GOT1: variants seen among roughly 807,000 people sequenced by gnomAD.
GOT1 encodes aspartate aminotransferase, cytoplasmic.
In GOT1, 25 loss-of-function variants were observed where a neutral mutation model predicts 48.2. The observed-to-expected ratio is 0.52, with a 90% confidence interval of 0.38 to 0.72. GOT1 has a LOEUF of 0.72. GOT1 is among the 30% of genes least tolerant of loss of function. GOT1 has a pLI of 0.00. For synonymous variants in GOT1, 188 were observed against 193.8 expected, an observed-to-expected ratio of 0.97 and a Z score of 0.25; for missense variants, 380 against 520.1, an observed-to-expected ratio of 0.73 and a Z score of 2.62.
At chr10:99,426,544 G>C (rs1249649517) in intron 1 of GOT1, among the ~76,000 whole-genome samples, 1 of 152,132 alleles carries the variant, frequency 6.6e-6, no homozygotes, top group East Asian at 1.9e-4. Flanking sequence ...AGTTTATCTG[G>C]GCCAAAAGAA....
chr10:99,422,517 A>G (rs896837907), intron 1 of GOT1, among the ~76,000 whole-genome samples: 1 of 152,156 alleles, frequency 6.6e-6, no homozygotes, highest in African/African-American at 2.4e-5. Flanking sequence ...GAATTTCAAC[A>G]TGCTTTTTTC....
At chr10:99,417,837 G>C (rs2032915805) in intron 2 of GOT1, among the ~76,000 whole-genome samples, 1 of 152,090 alleles carries the variant, frequency 6.6e-6, no homozygotes, top group South Asian at 2.1e-4. Context: ...TCACTCATAG[G>C]TGGGAATTGA....
At chr10:99,406,301 G>T in intron 3 of GOT1, 52 bp from the exon 4 acceptor site, 2 of 1,285,824 alleles carry the variant, frequency 1.6e-6, no homozygotes, top group South Asian at 1.2e-5. Context: ...TAGGAGGCAT[G>T]AGTGGAAAGG....
intron 1 of GOT1, among the ~76,000 whole-genome samples, chr10:99,429,652 G>T (rs1412412359): frequency 2.0e-5 from 3 of 152,174 alleles, no homozygotes; most frequent in African/African-American, 7.2e-5. Flanking sequence ...AGGGTTAGGG[G>T]TAAAAAATTT....
intron 2 of GOT1, among the ~76,000 whole-genome samples, chr10:99,418,411 T>G (rs948212948): frequency 2.0e-5 from 3 of 151,896 alleles, no homozygotes; most frequent in African/African-American, 7.2e-5. Context: ...ATGGAATCTC[T>G]GTTTTCATTT....
intron 1 of GOT1, among the ~76,000 whole-genome samples, chr10:99,427,426 G>A (rs1174326030): frequency 3.9e-5 from 6 of 152,070 alleles, no homozygotes; most frequent in Admixed American, 3.3e-4. Context: ...CCGCCACCAC[G>A]CCCTGCTAAT....
intron 6 of GOT1, 28 bp from the exon 7 acceptor site, chr10:99,403,662 G>A (rs752552873): frequency 4.6e-5 from 75 of 1,613,762 alleles, no homozygotes; most frequent in Non-Finnish European, 6.1e-5. Context: ...AATCAGCTGT[G>A]GCTGCTGAAG....
rs566938474 is a variant in GOT1, at chr10:99,417,321, A to G, written c.300+3303T>C. On this transcript the variant is annotated intron_variant, in intron 2 of 8. Coordinates refer to ENST00000370508, the MANE Select transcript of GOT1 (RefSeq NM_002079.3). ...AGACATTTATGCAGCCAACAGACACATGAAAAAATGCTCATCATCACTGGC... is the reference window on the plus strand; with the variant it reads ...AGACATTTATGCAGCCAACAGACACGTGAAAAAATGCTCATCATCACTGGC... Among the ~76,000 whole-genome samples the G allele has an allele frequency of 2.0e-3, 306 of 152,372 alleles. 1 individual carries two copies. The highest frequency in any genetic ancestry group is 0.017 in the Middle Eastern group (5 of 294).
chr10:99,417,983 T>C (rs530262623), intron 2 of GOT1, among the ~76,000 whole-genome samples: 2 of 151,764 alleles, frequency 1.3e-5, no homozygotes, highest in African/African-American at 2.4e-5. Context: ...CACACCAACA[T>C]GGCACATGTA....
Position 99,397,671 on chromosome 10 carries a change from T to C in GOT1, c.1118A>G (p.Tyr373Cys), listed in dbSNP as rs763011514. The C allele has an allele frequency of 2.5e-6, 4 of 1,614,116 alleles. No individual in the cohort carries two copies. Among genetic ancestry groups the C allele is most frequent in the South Asian group, 1.1e-5 (1 of 91,076 alleles). ...FTGLNPKQVE[Y>C]LVNEKHIYLL... Reference sequence around the variant, plus strand: ...GTAGATGTGCTTTTCATTGACCAGATACTCAACCTGCTTGGCTGTTGAAAA... The same window carrying C: ...GTAGATGTGCTTTTCATTGACCAGACACTCAACCTGCTTGGCTGTTGAAAA... Residue 373 changes from tyrosine to cysteine, a missense_variant, in exon 9 of 9, where the codon TAT (tyrosine) becomes TGT (cysteine). Tyr to Cys is a radical substitution (Grantham distance 194, BLOSUM62 -2). Transcript: ENST00000370508. The surrounding 1 kb of genome is among the most constrained non-coding windows in gnomAD (Gnocchi z 5.4).
At chr10:99,410,191 T>C (rs889468763) in intron 2 of GOT1, among the ~76,000 whole-genome samples, 1 of 152,226 alleles carries the variant, frequency 6.6e-6, no homozygotes, top group African/African-American at 2.4e-5. Flanking sequence ...TTTATGCAAA[T>C]TGCTACCAAG....
rs1300449801 is a variant in GOT1 at position 99,402,579 on chromosome 10, C to T, written c.1102+1G>A. 1.4e-5 allele frequency: 23 copies of T among 1,613,980 alleles called. No individual in the cohort carries two copies. Among genetic ancestry groups the T allele is most frequent in the African/African-American group, 4.0e-5 (3 of 74,936 alleles). On this transcript the variant is annotated splice_donor_variant, in intron 8 of 8. Coordinates refer to ENST00000370508, the MANE Select transcript of GOT1 (RefSeq NM_002079.3). LOFTEE classifies it high-confidence loss of function. ...GGCTGGAGGTGGTGGGGGCCACTTA[C>T]GGTTCAACCCAGTGAAGCTGAACAT... is the stretch of plus-strand genomic sequence containing the variant.
At chr10:99,411,807 C>A (rs1190250760) in intron 2 of GOT1, among the ~76,000 whole-genome samples, 2 of 152,160 alleles carry the variant, frequency 1.3e-5, no homozygotes, top group African/African-American at 4.8e-5. Context: ...GAATCCAAAC[C>A]TTTGGAACCT....
chr10:99,410,916 C>T (rs1433811629), intron 2 of GOT1, among the ~76,000 whole-genome samples: 1 of 152,150 alleles, frequency 6.6e-6, no homozygotes, highest in Non-Finnish European at 1.5e-5. Context: ...ATAGAGCAGG[C>T]CTCTGTTGGA....
At chr10:99,429,397 T>A (rs1286074247) in intron 1 of GOT1, among the ~76,000 whole-genome samples, 1 of 151,452 alleles carries the variant, frequency 6.6e-6, no homozygotes, top group African/African-American at 2.4e-5. Flanking sequence ...CAAAACGTTA[T>A]CTATGAGAAA....
rs374549839 is a variant in GOT1 at position 99,406,196 on chromosome 10, G to T, written c.478C>A (p.Arg160Ser). The change falls in exon 4 of 9, where the codon CGC (arginine) becomes AGC (serine). Residue 160 changes from arginine to serine, a missense_variant. Coordinates refer to ENST00000370508, the MANE Select transcript of GOT1 (RefSeq NM_002079.3). Reference protein sequence around the residue: ...AAGFKDIRSYRYWDAEKRGLD... With the variant: ...AAGFKDIRSYSYWDAEKRGLD... Reference sequence around the variant, plus strand: ...CCTCTCTTCTCTGCATCCCAGTAGCGATAGGACCGAATGTCTTTAAAACCA... The same window carrying T: ...CCTCTCTTCTCTGCATCCCAGTAGCTATAGGACCGAATGTCTTTAAAACCA... 53 of 1,613,944 alleles carry T rather than the reference G, an allele frequency of 3.3e-5. No individual in the cohort carries two copies. The South Asian group carries it at 4.4e-4, about 13-fold the overall frequency.
At chr10:99,404,738 G>A (rs1254068733) in intron 5 of GOT1, among the ~76,000 whole-genome samples, 3 of 152,028 alleles carry the variant, frequency 2.0e-5, no homozygotes, top group Non-Finnish European at 2.9e-5. Context: ...CAAGATTTCA[G>A]TGGCTCCGCA....
intron 8 of GOT1, among the ~76,000 whole-genome samples, chr10:99,398,627 C>T (rs2032629928): frequency 1.3e-5 from 2 of 151,780 alleles, no homozygotes; most frequent in African/African-American, 4.8e-5. Flanking sequence ...GCCGAGATCA[C>T]ACCACTGCAC....
intron 2 of GOT1, among the ~76,000 whole-genome samples, chr10:99,413,720 C>T (rs757019228): frequency 1.4e-4 from 21 of 152,168 alleles, no homozygotes; most frequent in Admixed American, 3.9e-4. Context: ...AAGGGAAGCC[C>T]GTCACACTAA....
Sources: gnomAD v4.1 joint callset for allele counts (sites outside exome capture counted in the v4.1 genomes callset) on GRCh38, gnomAD v4.1.1 for gene constraint, Gnocchi (gnomAD v3.1) non-coding constraint, MANE v1.5 for transcripts, NCBI Gene and HGNC (gene_info 2026-07-23, HGNC 2026-07-21) for gene names.